CFAP54: variants seen among roughly 807,000 people sequenced by gnomAD.
CFAP54 encodes the protein cilia- and flagella-associated protein 54.
In CFAP54, 290 loss-of-function variants were observed where a neutral mutation model predicts 370.4. That is an observed-to-expected ratio of 0.78 (90% CI 0.71 to 0.86). The LOEUF (loss-of-function observed/expected upper bound fraction) is 0.86, where lower values mean the gene tolerates loss of function less well. CFAP54 is among the 40% of genes least tolerant of loss of function. CFAP54 has a pLI of 0.00. For synonymous variants in CFAP54, 1,206 were observed against 1,236.5 expected (o/e 0.98, Z 0.52); for missense variants, 3,399 against 3,528.7 (o/e 0.96, Z 0.93).
intron 26 of CFAP54, among the ~76,000 whole-genome samples, chr12:96,614,704 T>C (rs1357681892): frequency 1.3e-5 from 2 of 152,210 alleles, no homozygotes; most frequent in East Asian, 3.9e-4. Flanking sequence ...ATCACAAGTA[T>C]TCTTATACAC....
intron 47 of CFAP54, among the ~76,000 whole-genome samples, chr12:96,707,068 T>C (rs1957554787): frequency 1.0e-5 from 1 of 95,848 alleles, no homozygotes. Flanking sequence ...GACAGTCCAA[T>C]ATTAAGAGGT....
At chr12:96,746,320 A>C (rs539168641) in intron 55 of CFAP54, among the ~76,000 whole-genome samples, 1 of 151,740 alleles carries the variant, frequency 6.6e-6, no homozygotes, top group Non-Finnish European at 1.5e-5. Flanking sequence ...TTCCAGCCAG[A>C]CTCCTTAAGG....
Position 96,784,702 on chromosome 12 carries a change from G to A in CFAP54, c.8282-15G>A, listed in dbSNP as rs1299283499. On this transcript the variant is annotated splice_polypyrimidine_tract_variant and intron_variant, in intron 60 of 67. Coordinates refer to ENST00000524981, the MANE Select transcript of CFAP54 (RefSeq NM_001306084.2). Reference sequence around the variant, plus strand: ...ATATAATATTGTATTACAAAAAAAAGTTTTTCACTTTCAGACAACTACCAA... The same window carrying A: ...ATATAATATTGTATTACAAAAAAAAATTTTTCACTTTCAGACAACTACCAA... The A allele has an allele frequency of 2.0e-6, 3 of 1,488,162 alleles. No homozygotes were observed. The highest frequency in any genetic ancestry group is 2.7e-6 in the Non-Finnish European group (3 of 1,126,328). 92.2% of individuals were successfully genotyped at this position (1,488,162 alleles called of 1,614,324 possible).
At chr12:96,583,092 T>C (rs1173100786) in intron 22 of CFAP54, among the ~76,000 whole-genome samples, 1 of 152,160 alleles carries the variant, frequency 6.6e-6, no homozygotes, top group East Asian at 1.9e-4. Flanking sequence ...TTTGGGACTT[T>C]AGGTTGTACT....
At position 96,512,978 on chromosome 12, in the gene CFAP54, C is replaced by A; in HGVS notation, c.740-8C>A. 1 of 1,503,406 alleles carries A rather than the reference C, an allele frequency of 6.7e-7. No individual in the cohort carries two copies. Among genetic ancestry groups the A allele is most frequent in the Non-Finnish European group, 8.9e-7 (1 of 1,126,434 alleles). The allele number at this position is 1,503,406 out of a possible 1,614,324, so 93.1% of individuals were successfully genotyped here. ...TAAAACATGTTAACAATCGTTTTCT[C>A]CATCCAGGTACCATTTATATTTACA... On this transcript the variant is annotated splice_polypyrimidine_tract_variant and splice_region_variant and intron_variant, in intron 4 of 67. Transcript: ENST00000524981.
intron 26 of CFAP54, among the ~76,000 whole-genome samples, chr12:96,599,121 T>TGATGATGA (rs1956211704): frequency 1.3e-5 from 2 of 152,088 alleles, no homozygotes; most frequent in African/African-American, 4.8e-5. Context: ...AACTCATCAT[T>TGATGATGA]TACATTAGGT....
chr12:96,795,019 T>A (rs1958745509), intron 63 of CFAP54, among the ~76,000 whole-genome samples: 1 of 152,190 alleles, frequency 6.6e-6, no homozygotes, highest in Non-Finnish European at 1.5e-5. Context: ...CTTCTGGGTC[T>A]AGGCACCCAT....
At chr12:96,833,674 C>T (rs1164946678) in intron 66 of CFAP54, among the ~76,000 whole-genome samples, 3 of 152,014 alleles carry the variant, frequency 2.0e-5, no homozygotes, top group African/African-American at 4.8e-5. Context: ...GATTGCAAAG[C>T]AGTTTTTCTT....
At position 96,691,267 on chromosome 12, in the gene CFAP54, A is replaced by G. The variant is rs985999676; in HGVS notation, c.6221A>G (p.Tyr2074Cys). ...ATTTGCTCTGTAATTGCAAGTCTGTATTACATTATACGTGAACTGCACTTT... is the reference window on the plus strand; with the variant it reads ...ATTTGCTCTGTAATTGCAAGTCTGTGTTACATTATACGTGAACTGCACTTT... ...ADICSVIASL[Y>C]YIIRELHFVR... The change falls in exon 44 of 68, where the codon TAT becomes TGT. Residue 2074 changes from tyrosine to cysteine, a missense_variant. This residue lies in a region of CFAP54 where 2,796 missense variants were observed against 2,869.7 expected (regional missense o/e 0.97). Transcript: ENST00000524981. 3 of 1,610,040 alleles carry G rather than the reference A, an allele frequency of 1.9e-6. No homozygotes were observed. The highest frequency in any genetic ancestry group is 2.2e-5 in the South Asian group (2 of 89,832).
intron 6 of CFAP54, among the ~76,000 whole-genome samples, chr12:96,521,334 TCTTC>T (rs1172736959): frequency 6.6e-6 from 1 of 152,214 alleles, no homozygotes; most frequent in Admixed American, 6.5e-5. Flanking sequence ...AAGCCTCCCT[TCTTC>T]CTTCCTTCAG....
At chr12:96,736,883 G>A (rs894843273) in intron 50 of CFAP54, among the ~76,000 whole-genome samples, 1 of 152,214 alleles carries the variant, frequency 6.6e-6, no homozygotes, top group African/African-American at 2.4e-5. Flanking sequence ...TGAAAAGACA[G>A]AGATGGTGTC....
At chr12:96,817,965 C>T (rs1227053808) in intron 65 of CFAP54, 52 bp downstream of exon 65, 1 of 1,259,214 alleles carries the variant, frequency 7.9e-7, no homozygotes, top group Non-Finnish European at 1.1e-6. Context: ...TCTTTTATAT[C>T]CTCAAAGCAG....
intron 60 of CFAP54, among the ~76,000 whole-genome samples, chr12:96,776,895 T>G (rs1958522621): frequency 6.6e-6 from 1 of 152,228 alleles, no homozygotes; most frequent in Non-Finnish European, 1.5e-5. Flanking sequence ...TAAAAAATGT[T>G]AAAATATCAC....
chr12:96,588,530 C>G (rs543618499), intron 22 of CFAP54, among the ~76,000 whole-genome samples: 1 of 152,316 alleles, frequency 6.6e-6, no homozygotes, highest in African/African-American at 2.4e-5. Context: ...CTAGAAACTT[C>G]ATAAAAGCTT....
intron 5 of CFAP54, among the ~76,000 whole-genome samples, chr12:96,517,371 C>T (rs749677566): frequency 6.6e-5 from 10 of 152,236 alleles, no homozygotes; most frequent in Non-Finnish European, 8.8e-5. Flanking sequence ...CATAGCAAAT[C>T]AAATACAATG....
chr12:96,572,942 A>C, intron 19 of CFAP54: 1 of 985,432 alleles, frequency 1.0e-6, no homozygotes, highest in South Asian at 4.7e-5. Context: ...GCAAGAATTA[A>C]GTCAGAAGGT....
At chr12:96,714,524 A>G (rs1254843152) in intron 48 of CFAP54, among the ~76,000 whole-genome samples, 1 of 152,204 alleles carries the variant, frequency 6.6e-6, no homozygotes, top group South Asian at 2.1e-4. Flanking sequence ...GGTCAAATAA[A>G]TGAGGAAGAA....
intron 66 of CFAP54, among the ~76,000 whole-genome samples, chr12:96,843,386 C>G (rs938284067): frequency 6.6e-6 from 1 of 152,162 alleles, no homozygotes; most frequent in African/African-American, 2.4e-5. Flanking sequence ...TATAACTTTG[C>G]TGCTGAGATT....
Position 96,718,442 on chromosome 12 carries a change from G to A in CFAP54, c.6725-1G>A. 1 of 1,456,646 alleles carries A rather than the reference G, an allele frequency of 6.9e-7. No homozygotes were observed. The highest frequency in any genetic ancestry group is 9.6e-7 in the Non-Finnish European group (1 of 1,039,004). 90.2% of individuals were successfully genotyped at this position (1,456,646 alleles called of 1,614,324 possible). The stretch of plus-strand genomic sequence containing the variant: ...CCTTCCAAAATTTTGTGTCTTTATA[G>A]AGATATATTCAAAGGATGATGGAAG... On this transcript the variant is annotated splice_acceptor_variant, in intron 48 of 67. Transcript: ENST00000524981. LOFTEE classifies it high-confidence loss of function.
Sources: allele counts gnomAD v4.1 joint callset (sites outside exome capture counted in the v4.1 genomes callset), GRCh38; gene constraint gnomAD v4.1.1; regional missense constraint gnomAD v4.1.1; transcripts MANE v1.5; gene names NCBI Gene and HGNC (gene_info 2026-07-23, HGNC 2026-07-21).